RASGRP4: variants seen among roughly 807,000 people sequenced by gnomAD.
RASGRP4 encodes the protein RAS guanyl-releasing protein 4.
RASGRP4 carries 52 observed loss-of-function variants against 84.4 expected under a neutral mutation model. The ratio of observed to expected loss-of-function variants is 0.62; its 90% CI spans 0.49 to 0.78. The LOEUF is 0.78. Among genes scored for constraint, RASGRP4 ranks in the 30% least tolerant of loss-of-function variants. RASGRP4 has a pLI of 0.00. For synonymous variants in RASGRP4, 356 were observed against 359.1 expected, an observed-to-expected ratio of 0.99 and a Z score of 0.10; for missense variants, 760 against 886.9, an observed-to-expected ratio of 0.86 and a Z score of 1.82.
In RASGRP4 at chr19:38,417,254, G is replaced by A; in HGVS notation, c.838-86C>T. The A allele has an allele frequency of 1.2e-6, 1 of 859,504 alleles. No individual in the cohort carries two copies. The highest frequency in any genetic ancestry group is 1.9e-6 in the Non-Finnish European group (1 of 521,458). The allele number at this position is 859,504 out of a possible 1,614,324, so 53.2% of individuals were successfully genotyped here. On this transcript the variant is annotated intron_variant, in intron 7 of 16. Coordinates refer to ENST00000615439, the MANE Select transcript of RASGRP4 (RefSeq NM_170604.3). The surrounding 1 kb of genome is among the most constrained non-coding windows in gnomAD (Gnocchi z 5.1). ...ATGACAGCATCCCAGTTGAGGTGGG[G>A]TCCCAGGCATGTGTGGACCAATGTG...
intron 6 of RASGRP4, among the ~76,000 whole-genome samples, chr19:38,419,423 T>C (rs12611194): frequency 0.26 from 39,915 of 152,108 alleles, 5,967 homozygotes; most frequent in South Asian, 0.5. Flanking sequence ...TATTTATTTA[T>C]TTTACTTTTT....
Position 38,420,243 on chromosome 19 carries a change from G to A in RASGRP4, c.397C>T (p.Pro133Ser). 6.2e-7 allele frequency: 1 copy of A among 1,613,352 alleles called. No homozygotes were observed. Among genetic ancestry groups the A allele is most frequent in the Non-Finnish European group, 8.5e-7 (1 of 1,179,682 alleles). ...TGGGGATCCTGGTGCATCACCTCAG[G>A]GTGTCGCATCAGCCAGTACCTGAGA... is the stretch of plus-strand genomic sequence containing the variant. ...HLVRYWLMRH[P>S]EVMHQDPQLE... The change falls in exon 5 of 17, where the codon CCT (proline) becomes TCT (serine). Residue 133 changes from proline to serine, a missense_variant. Pro to Ser is a moderately conservative substitution (Grantham distance 74). Coordinates refer to ENST00000615439, the MANE Select transcript of RASGRP4 (RefSeq NM_170604.3).
At position 38,417,853 on chromosome 19, in the gene RASGRP4, T is replaced by C. The variant is rs1356434972; in HGVS notation, c.837+538A>G. 2.6e-5 allele frequency among the ~76,000 whole-genome samples: 4 copies of C among 152,176 alleles called. No individual in the cohort carries two copies. Among genetic ancestry groups the C allele is most frequent in the Non-Finnish European group, 5.9e-5 (4 of 67,992 alleles). ...GGAAGACACCAGAGGAAGGGCGTGG[T>C]CTGCGTGGAAATACGCAAGGGGGCG... On this transcript the variant is annotated intron_variant, in intron 7 of 16. Coordinates refer to ENST00000615439, the MANE Select transcript of RASGRP4 (RefSeq NM_170604.3). The surrounding 1 kb of genome is among the most constrained non-coding windows in gnomAD (Gnocchi z 5.1).
intron 16 of RASGRP4, among the ~76,000 whole-genome samples, chr19:38,410,606 T>G (rs1600540948): frequency 6.6e-6 from 1 of 151,892 alleles, no homozygotes; most frequent in South Asian, 2.1e-4. Flanking sequence ...AGAGATAGGG[T>G]TTTATCACGT....
intron 1 of RASGRP4, among the ~76,000 whole-genome samples, chr19:38,425,593 C>T (rs781534700): frequency 2.6e-5 from 4 of 152,150 alleles, no homozygotes; most frequent in Non-Finnish European, 2.9e-5. Context: ...AAGCCCATTC[C>T]AGAACCGGCC....
In RASGRP4 at chr19:38,409,836, G is replaced by T; in HGVS notation, c.*204C>A. 1.9e-6 allele frequency: 1 copy of T among 520,722 alleles called. No homozygotes were observed. Among genetic ancestry groups the T allele is most frequent in the Admixed American group, 3.8e-5 (1 of 26,472 alleles). The allele number at this position is 520,722 out of a possible 1,614,324, so 32.3% of individuals were successfully genotyped here. A position where few individuals can be genotyped will look rare whatever the true frequency, so the allele number is the denominator to read the frequency against. On this transcript the variant is annotated 3_prime_UTR_variant, in exon 17 of 17. Transcript: ENST00000615439. ...CGCACAGATACTAAGTGCAGGGAAA[G>T]GGAGCAGGATTAGCATCCACCAGGA...
At position 38,426,102 on chromosome 19, in the gene RASGRP4, T is replaced by G; in HGVS notation, c.-11A>C. 2 of 1,330,412 alleles carry G rather than the reference T, an allele frequency of 1.5e-6. No homozygotes were observed. The highest frequency in any genetic ancestry group is 1.9e-6 in the Non-Finnish European group (2 of 1,031,226). 82.4% of individuals were successfully genotyped at this position (1,330,412 alleles called of 1,614,324 possible). On this transcript the variant is annotated 5_prime_UTR_variant, in exon 1 of 17. Transcript: ENST00000615439. ...GTCTTTTCTGTTCATGCTTCCCGCGTGGGGTGAGGAGGCCGGGGGTCTTGC... is the reference window on the plus strand; with the variant it reads ...GTCTTTTCTGTTCATGCTTCCCGCGGGGGGTGAGGAGGCCGGGGGTCTTGC...
In RASGRP4 at chr19:38,411,239, C is replaced by T. The variant is rs369910292; in HGVS notation, c.1728G>A (p.Leu576=). ...KQGYRCRECG[L]CCHKHCRDQV... ...GGTCTCTGCAGTGTTTGTGGCAACACAGCCCGCACTCTGGGGGAAGGCAGC... is the reference window on the plus strand; with the variant it reads ...GGTCTCTGCAGTGTTTGTGGCAACATAGCCCGCACTCTGGGGGAAGGCAGC... Residue 576 remains leucine (L), a synonymous_variant, in exon 15 of 17, where the codon CTG becomes CTA. Transcript: ENST00000615439. 8.4e-5 allele frequency: 136 copies of T among 1,614,010 alleles called. 1 individual carries two copies. The Middle Eastern group carries it at 1.5e-3, about 18-fold the overall frequency.
Position 38,418,503 on chromosome 19 carries a change from C to T in RASGRP4, c.725G>A (p.Gly242Asp). The change falls in exon 7 of 17, where the codon GGC becomes GAC. Residue 242 changes from glycine (G) to aspartate (D), a missense_variant. Coordinates refer to ENST00000615439, the MANE Select transcript of RASGRP4 (RefSeq NM_170604.3). This position sits in a 1 kb window ranked among gnomAD's most constrained non-coding sequence, Gnocchi z 4.6. The part of the protein sequence containing the change: ...GSVRGCPALE[G>D]SVGLSNSVSR... The stretch of plus-strand genomic sequence containing the variant: ...CACGCTGTTGCTGAGACCTACGGAG[C>T]CCTCCAGGGCCGGGCAGCCTCGTAC... The T allele has an allele frequency of 1.9e-6, 3 of 1,559,950 alleles. No homozygotes were observed. The highest frequency in any genetic ancestry group is 1.7e-6 in the Non-Finnish European group (2 of 1,152,512).
rs1015530239 is a variant in RASGRP4 at position 38,417,967 on chromosome 19, G to C, written c.837+424C>G. On this transcript the variant is annotated intron_variant, in intron 7 of 16. Transcript: ENST00000615439. The surrounding 1 kb of genome is among the most constrained non-coding windows in gnomAD (Gnocchi z 5.1). Reference sequence around the variant, plus strand: ...AGGGGGAAGGGAGGGGAAGAGAAGGGCGTAACACAATGGGGCGGGGCGGGG... The same window carrying C: ...AGGGGGAAGGGAGGGGAAGAGAAGGCCGTAACACAATGGGGCGGGGCGGGG... Among the ~76,000 whole-genome samples the C allele has an allele frequency of 2.0e-5, 3 of 151,804 alleles. No homozygotes were observed. Among genetic ancestry groups the C allele is most frequent in the African/African-American group, 7.3e-5 (3 of 41,302 alleles).
In RASGRP4 at chr19:38,420,598, T is replaced by C. The variant is rs573088160; in HGVS notation, c.377+310A>G. ...TTGGAGGGACAGAATGAGGGGGTCT[T>C]ATGGGCTAGGCTGGGGTCTGTGGGA... On this transcript the variant is annotated intron_variant, in intron 4 of 16. Transcript: ENST00000615439. Among the ~76,000 whole-genome samples, 9 of 149,978 alleles carry C rather than the reference T, an allele frequency of 6.0e-5. No homozygotes were observed. In the South Asian group the frequency reaches 1.9e-3, roughly 32 times the overall value.
rs923168477 is a variant in RASGRP4, at chr19:38,410,936, G to A, written c.1915C>T (p.His639Tyr). The change falls in exon 16 of 17, where the codon CAT (histidine) becomes TAT (tyrosine). Residue 639 changes from histidine to tyrosine, a missense_variant. Transcript: ENST00000615439. ...LEPETGCQLR[H>Y]AWTQTESPHP... Reference sequence around the variant, plus strand: ...GGGGATTCAGTCTGGGTCCAGGCATGGCGAAGCTGGCACCCAGTCTCAGGC... The same window carrying A: ...GGGGATTCAGTCTGGGTCCAGGCATAGCGAAGCTGGCACCCAGTCTCAGGC... The A allele has an allele frequency of 6.2e-7, 1 of 1,604,984 alleles. No individual in the cohort carries two copies. Among genetic ancestry groups the A allele is most frequent in the Non-Finnish European group, 8.5e-7 (1 of 1,175,842 alleles).
rs1568405939 is a variant in RASGRP4, at chr19:38,410,915, A to T, written c.1936T>A (p.Ser646Thr). 1 of 1,602,588 alleles carries T rather than the reference A, an allele frequency of 6.2e-7. No homozygotes were observed. Among genetic ancestry groups the T allele is most frequent in the Non-Finnish European group, 8.5e-7 (1 of 1,174,766 alleles). The change falls in exon 16 of 17, where the codon TCC (serine) becomes ACC (threonine). Residue 646 changes from serine (S) to threonine (T), a missense_variant. By Grantham distance (58) the Ser-to-Thr change is moderately conservative (BLOSUM62 1). Transcript: ENST00000615439. Reference protein sequence around the residue: ...QLRHAWTQTESPHPSWETDTV... With the variant: ...QLRHAWTQTETPHPSWETDTV... ...TCTGTTTCCCAGGAAGGGTGTGGGG[A>T]TTCAGTCTGGGTCCAGGCATGGCGA...
chr19:38,412,642 C>G lies in RASGRP4; in HGVS notation c.1680+30G>C. On this transcript the variant is annotated intron_variant, in intron 13 of 16. Transcript: ENST00000615439. The surrounding 1 kb of genome is among the most constrained non-coding windows in gnomAD (Gnocchi z 4.6). ...CTGCCGGCTTCAGGACAGATGGAAC[C>G]TAAGGGTGGTGATGGGGTGGGGTGC... 6.2e-7 allele frequency: 1 copy of G among 1,606,336 alleles called. No homozygotes were observed.
In RASGRP4 at chr19:38,412,370, C is replaced by T. The variant is rs1045503226; in HGVS notation, c.1680+302G>A. ...CTCTTGAGCTCAAGCAATCCGCCCA[C>T]CTCAGCCTCCCCAAGTGCTGGGATT... On this transcript the variant is annotated intron_variant, in intron 13 of 16. Coordinates refer to ENST00000615439, the MANE Select transcript of RASGRP4 (RefSeq NM_170604.3). The surrounding 1 kb of genome is among the most constrained non-coding windows in gnomAD (Gnocchi z 4.6). 1 of 358,546 alleles carries T rather than the reference C, an allele frequency of 2.8e-6. No homozygotes were observed. The highest frequency in any genetic ancestry group is 5.1e-6 in the Non-Finnish European group (1 of 194,456). 22.2% of individuals were successfully genotyped at this position (358,546 alleles called of 1,614,324 possible).
rs775739889 is a variant in RASGRP4, at chr19:38,413,144, A to T, written c.1416+49T>A. ...CACCTCCAGGCTCAGGGTTCTACAG[A>T]TGTCTTCCCTCCTGGCTGCTGGCGG... On this transcript the variant is annotated intron_variant, in intron 11 of 16. Coordinates refer to ENST00000615439, the MANE Select transcript of RASGRP4 (RefSeq NM_170604.3). The surrounding 1 kb of genome is among the most constrained non-coding windows in gnomAD (Gnocchi z 4.7). 15 of 1,586,958 alleles carry T rather than the reference A, an allele frequency of 9.5e-6. No individual in the cohort carries two copies. In the South Asian group the frequency reaches 1.1e-4, roughly 12 times the overall value.
intron 1 of RASGRP4, 67 bp from the exon 2 acceptor site, chr19:38,422,220 G>T: frequency 2.1e-6 from 3 of 1,442,776 alleles, no homozygotes; most frequent in South Asian, 1.3e-5. Context: ...AATTCCTTTT[G>T]ACTCTAATGC....
chr19:38,411,057 T>C (rs1217909931), intron 15 of RASGRP4, 58 bp downstream of exon 15: 1 of 1,610,362 alleles, frequency 6.2e-7, no homozygotes, highest in Non-Finnish European at 8.5e-7. Flanking sequence ...TTCTTGACCT[T>C]GGACTCAACC....
intron 1 of RASGRP4, among the ~76,000 whole-genome samples, chr19:38,424,398 G>A (rs2145248508): frequency 6.6e-6 from 1 of 151,914 alleles, no homozygotes; most frequent in East Asian, 1.9e-4. Flanking sequence ...GGGATTACAG[G>A]TGTGAGCCAT....
Sources: allele counts gnomAD v4.1 joint callset (sites outside exome capture counted in the v4.1 genomes callset), GRCh38; gene constraint gnomAD v4.1.1; non-coding constraint Gnocchi (gnomAD v3.1); transcripts MANE v1.5; gene names NCBI Gene and HGNC (gene_info 2026-07-23, HGNC 2026-07-21).